CNTNAP2: variants seen among roughly 807,000 people sequenced by gnomAD.
CNTNAP2 encodes the protein contactin associated protein 2.
A neutral mutation model predicts 155.2 loss-of-function variants in CNTNAP2; 98 were observed. The ratio of observed to expected loss-of-function variants is 0.63; its 90% confidence interval spans 0.54 to 0.75. CNTNAP2 has a LOEUF of 0.75. Ranked by LOEUF, CNTNAP2 falls within the 30% of genes least tolerant of loss-of-function variation. CNTNAP2 has a pLI of 0.00. For synonymous variants in CNTNAP2, 651 were observed against 631.2 expected (o/e 1.03, Z -0.47); for missense variants, 1,727 against 1,688.1 (o/e 1.02, Z -0.40).
intron 1 of CNTNAP2, among the ~76,000 whole-genome samples, chr7:146,714,606 G>T (rs1174402898): frequency 1.3e-5 from 2 of 152,090 alleles, no homozygotes; most frequent in Non-Finnish European, 2.9e-5. Context: ...ATACCTATAG[G>T]AAATAGAAAT....
intron 1 of CNTNAP2, among the ~76,000 whole-genome samples, chr7:146,646,241 A>G (rs748138031): frequency 2.0e-5 from 3 of 152,154 alleles, no homozygotes; most frequent in Non-Finnish European, 4.4e-5. Flanking sequence ...CATGTTCGAG[A>G]AGGGAGCTTG....
intron 13 of CNTNAP2, among the ~76,000 whole-genome samples, chr7:147,641,532 A>G (rs1425442913): frequency 6.6e-6 from 1 of 152,134 alleles, no homozygotes; most frequent in Non-Finnish European, 1.5e-5. Context: ...GAGAATTTGC[A>G]TTTATAATGA....
intron 1 of CNTNAP2, among the ~76,000 whole-genome samples, chr7:146,164,211 A>G (rs1276494350): frequency 6.6e-6 from 1 of 152,132 alleles, no homozygotes; most frequent in Non-Finnish European, 1.5e-5. Context: ...TTCACGATAA[A>G]TGCAGTAACA....
intron 11 of CNTNAP2, among the ~76,000 whole-genome samples, chr7:147,522,779 C>CA (rs1168470557): frequency 8.2e-5 from 8 of 97,504 alleles, no homozygotes; most frequent in Admixed American, 2.0e-4. Flanking sequence ...AAAAAAAAAA[C>CA]AAAAAAACAA....
intron 1 of CNTNAP2, among the ~76,000 whole-genome samples, chr7:146,447,401 GT>G (rs1227483176): frequency 6.6e-6 from 1 of 151,986 alleles, no homozygotes; most frequent in African/African-American, 2.4e-5. Context: ...CAAATTATGA[GT>G]GACCCTTCTA....
chr7:147,051,748 A>G (rs1383803280), intron 4 of CNTNAP2, among the ~76,000 whole-genome samples: 1 of 151,958 alleles, frequency 6.6e-6, no homozygotes. Context: ...CAGATTTGTT[A>G]ATCTTATTAA....
chr7:147,348,882 G>A (rs1472445503), intron 9 of CNTNAP2, among the ~76,000 whole-genome samples: 1 of 151,908 alleles, frequency 6.6e-6, no homozygotes, highest in Admixed American at 6.6e-5. Context: ...TAAGTGTCAG[G>A]AATAGAAAGT....
intron 1 of CNTNAP2, among the ~76,000 whole-genome samples, chr7:146,686,321 T>C (rs997332846): frequency 1.3e-5 from 2 of 152,082 alleles, no homozygotes; most frequent in African/African-American, 4.8e-5. Flanking sequence ...CAAACAATTT[T>C]TGAAGTCAGA....
intron 1 of CNTNAP2, among the ~76,000 whole-genome samples, chr7:146,252,323 G>A (rs1799767569): frequency 6.6e-6 from 1 of 152,072 alleles, no homozygotes; most frequent in Non-Finnish European, 1.5e-5. Context: ...GAATAGCTGG[G>A]AATAGTAATC....
chr7:147,297,858 C>T (rs779160209), intron 8 of CNTNAP2, among the ~76,000 whole-genome samples: 13 of 152,122 alleles, frequency 8.5e-5, no homozygotes, highest in Admixed American at 1.3e-4. Context: ...TCTTAGCTAT[C>T]GTAAACAGTG....
intron 9 of CNTNAP2, among the ~76,000 whole-genome samples, chr7:147,385,608 T>G (rs1324731174): frequency 6.6e-6 from 1 of 152,246 alleles, no homozygotes; most frequent in African/African-American, 2.4e-5. Flanking sequence ...ATGTCTCATA[T>G]CCAGGTCATG....
At chr7:147,865,112 G>C (rs996937328) in intron 13 of CNTNAP2, among the ~76,000 whole-genome samples, 2 of 152,114 alleles carry the variant, frequency 1.3e-5, no homozygotes, top group African/African-American at 2.4e-5. Context: ...TCAATACCTA[G>C]CTTATTGGGA....
At chr7:146,935,793 G>T (rs1248337388) in intron 3 of CNTNAP2, among the ~76,000 whole-genome samples, 1 of 152,112 alleles carries the variant, frequency 6.6e-6, no homozygotes, top group Non-Finnish European at 1.5e-5. Flanking sequence ...ATTAAGAAGA[G>T]GACTACTTAA....
At chr7:147,318,008 GAAT>G (rs1795265918) in intron 9 of CNTNAP2, among the ~76,000 whole-genome samples, 1 of 152,038 alleles carries the variant, frequency 6.6e-6, no homozygotes, top group Non-Finnish European at 1.5e-5. Context: ...TTCGAAGAAT[GAAT>G]AATTTTAATG....
At chr7:146,786,986 A>T (rs1802584729) in intron 2 of CNTNAP2, 1 of 152,228 alleles carries the variant, frequency 6.6e-6, no homozygotes, top group Non-Finnish European at 1.5e-5. Context: ...ATTTTGCATT[A>T]CAAGGTTTGT....
intron 3 of CNTNAP2, among the ~76,000 whole-genome samples, chr7:146,847,139 T>C (rs567970692): frequency 6.6e-6 from 1 of 152,242 alleles, no homozygotes; most frequent in African/African-American, 2.4e-5. Context: ...ATATAATGTG[T>C]TGATAAATGG....
chr7:148,342,754 T>C (rs1798257412), intron 21 of CNTNAP2, among the ~76,000 whole-genome samples: 1 of 152,236 alleles, frequency 6.6e-6, no homozygotes, highest in South Asian at 2.1e-4. Context: ...TGATCGATAT[T>C]GTGCAATGGC....
rs1023838831 is a variant in CNTNAP2, at chr7:146,785,036, C to A, written c.208+10655C>A. On this transcript the variant is annotated intron_variant, in intron 2 of 23. Transcript: ENST00000361727. ...CCAGGCTAGAGTGCAGTGGCATGAT[C>A]AGGGCTCGCTACAGCCTCCACATCC... Among the ~76,000 whole-genome samples the A allele has an allele frequency of 1.1e-3, 163 of 149,746 alleles. 2 individuals are homozygous for A. The highest frequency in any genetic ancestry group is 1.8e-4 in the Non-Finnish European group (12 of 67,790).
intron 2 of CNTNAP2, among the ~76,000 whole-genome samples, chr7:146,788,754 G>A (rs1461530390): frequency 6.6e-6 from 1 of 152,082 alleles, no homozygotes; most frequent in Non-Finnish European, 1.5e-5. Context: ...GACTTAAGTT[G>A]TCAACTTCCT....
Sources: gnomAD v4.1 joint callset for allele counts (sites outside exome capture counted in the v4.1 genomes callset) on GRCh38, gnomAD v4.1.1 for gene constraint, MANE v1.5 for transcripts, NCBI Gene and HGNC (gene_info 2026-07-23, HGNC 2026-07-21) for gene names.